PLCB1: variants seen among roughly 807,000 people sequenced by gnomAD.
PLCB1 encodes phospholipase C beta 1.
A neutral mutation model predicts 161.8 loss-of-function variants in PLCB1; 46 were observed. The observed-to-expected ratio is 0.28, with a 90% CI of 0.22 to 0.36. The LOEUF (loss-of-function observed/expected upper bound fraction) is 0.36. PLCB1 is among the 10% of genes least tolerant of loss of function. The pLI, the probability that PLCB1 is intolerant of heterozygous loss-of-function variation, is 1.00. For synonymous variants in PLCB1, 517 were observed against 503.7 expected, an observed-to-expected ratio of 1.03 and a Z score of -0.35; for missense variants, 1,016 against 1,472.5, an observed-to-expected ratio of 0.69 and a Z score of 5.07.
At chr20:8,733,177 C>A in intron 18 of PLCB1, 61 bp from the exon 19 acceptor site, 1 of 1,542,952 alleles carries the variant, frequency 6.5e-7, no homozygotes, top group Non-Finnish European at 8.9e-7. Flanking sequence ...ACTTTACAAT[C>A]TTACTTTCTT....
At chr20:8,773,696 G>T (rs999575634) in intron 26 of PLCB1, among the ~76,000 whole-genome samples, 1 of 152,092 alleles carries the variant, frequency 6.6e-6, no homozygotes, top group Non-Finnish European at 1.5e-5. Flanking sequence ...TTAAGAGGCC[G>T]GGCACGGTGG....
intron 3 of PLCB1, among the ~76,000 whole-genome samples, chr20:8,495,766 A>G (rs1427785570): frequency 6.6e-6 from 1 of 151,456 alleles, no homozygotes; most frequent in Non-Finnish European, 1.5e-5. Flanking sequence ...CGTTTTTCCT[A>G]CCTTAGGGAC....
intron 20 of PLCB1, among the ~76,000 whole-genome samples, chr20:8,738,274 A>G (rs1980686474): frequency 6.6e-6 from 1 of 152,240 alleles, no homozygotes; most frequent in South Asian, 2.1e-4. Flanking sequence ...GACTTCCACA[A>G]TGGTTGAACT....
At chr20:8,814,287 T>C (rs1316910395) in intron 31 of PLCB1, among the ~76,000 whole-genome samples, 1 of 152,214 alleles carries the variant, frequency 6.6e-6, no homozygotes, top group African/African-American at 2.4e-5. Context: ...TCTGACAGGA[T>C]TCTGGCCTTT....
At chr20:8,841,002 A>C (rs560205438) in intron 31 of PLCB1, among the ~76,000 whole-genome samples, 2 of 152,016 alleles carry the variant, frequency 1.3e-5, no homozygotes, top group Non-Finnish European at 2.9e-5. Flanking sequence ...AATACAAAAA[A>C]AATTTTTGTA....
rs1979409652 is a variant in PLCB1 at position 8,717,839 on chromosome 20, C to T, written c.1504C>T (p.Pro502Ser). 1.2e-6 allele frequency: 2 copies of T among 1,605,682 alleles called. No homozygotes were observed. The highest frequency in any genetic ancestry group is 2.2e-5 in the East Asian group (1 of 44,796). The change falls in exon 14 of 32, where the codon CCA becomes TCA. Residue 502 changes from proline to serine, a missense_variant. Physicochemically the swap from Pro to Ser is moderately conservative, Grantham distance 74. This residue lies in a region of PLCB1 where 109 missense variants were observed against 129.7 expected (regional missense o/e 0.84). Transcript: ENST00000338037. ...DSSSMFEPSS[P>S]GAGEADTESD... is the part of the protein sequence containing the mutation. The stretch of plus-strand genomic sequence containing the variant: ...CTCCAGCATGTTCGAGCCCTCATCC[C>T]CAGGAGCCGGTGAGGGGCTGGTGGG...
At chr20:8,177,731 G>A (rs1265287912) in intron 2 of PLCB1, among the ~76,000 whole-genome samples, 1 of 151,962 alleles carries the variant, frequency 6.6e-6, no homozygotes, top group Non-Finnish European at 1.5e-5. Context: ...TGTGCAAGTT[G>A]GTTCTATAGA....
chr20:8,392,727 C>A (rs1987646654), intron 3 of PLCB1, among the ~76,000 whole-genome samples: 1 of 152,090 alleles, frequency 6.6e-6, no homozygotes, highest in African/African-American at 2.4e-5. Flanking sequence ...GGAATGTATA[C>A]CAGTTTATTC....
intron 2 of PLCB1, among the ~76,000 whole-genome samples, chr20:8,151,785 G>C (rs569276761): frequency 2.0e-5 from 3 of 152,234 alleles, no homozygotes; most frequent in Non-Finnish European, 4.4e-5. Context: ...ATTTGTACGA[G>C]AGACCAAACT....
At chr20:8,437,294 C>T (rs1009827291) in intron 3 of PLCB1, among the ~76,000 whole-genome samples, 1 of 152,068 alleles carries the variant, frequency 6.6e-6, no homozygotes, top group African/African-American at 2.4e-5. Flanking sequence ...AGAGTCATCT[C>T]AAGATTAGAG....
At chr20:8,231,611 G>A (rs1980042896) in intron 2 of PLCB1, among the ~76,000 whole-genome samples, 1 of 152,136 alleles carries the variant, frequency 6.6e-6, no homozygotes, top group Non-Finnish European at 1.5e-5. Context: ...TTCTTTCCTT[G>A]CATCCTTTGT....
intron 2 of PLCB1, among the ~76,000 whole-genome samples, chr20:8,261,538 G>A (rs1461732960): frequency 6.6e-6 from 1 of 152,074 alleles, no homozygotes; most frequent in Non-Finnish European, 1.5e-5. Context: ...AAGCTTTAAC[G>A]TGAAATGAAC....
At chr20:8,243,339 A>T (rs1398029293) in intron 2 of PLCB1, among the ~76,000 whole-genome samples, 1 of 151,996 alleles carries the variant, frequency 6.6e-6, no homozygotes, top group East Asian at 1.9e-4. Flanking sequence ...TTAATTTTCT[A>T]ACACAAATCT....
At chr20:8,442,628 G>C (rs991683372) in intron 3 of PLCB1, among the ~76,000 whole-genome samples, 4 of 152,110 alleles carry the variant, frequency 2.6e-5, no homozygotes, top group Admixed American at 2.6e-4. Flanking sequence ...CTGTAACAAA[G>C]GGTTAGTGAA....
intron 3 of PLCB1, among the ~76,000 whole-genome samples, chr20:8,541,497 A>G (rs541790537): frequency 1.9e-4 from 29 of 151,834 alleles, no homozygotes; most frequent in African/African-American, 6.8e-4. Context: ...TCTCACAAAC[A>G]GTGCACTGAA....
intron 3 of PLCB1, among the ~76,000 whole-genome samples, chr20:8,558,170 T>C (rs1986023989): frequency 6.6e-6 from 1 of 152,052 alleles, no homozygotes; most frequent in African/African-American, 2.4e-5. Context: ...TAAAAGCATA[T>C]CATTGGATTG....
At chr20:8,242,974 G>C (rs1157717521) in intron 2 of PLCB1, among the ~76,000 whole-genome samples, 5 of 151,882 alleles carry the variant, frequency 3.3e-5, no homozygotes, top group Non-Finnish European at 7.4e-5. Flanking sequence ...TGAGAAGTGG[G>C]GAATTTTGGA....
rs1985910281 is a variant in PLCB1, at chr20:8,555,184, TG to T, written c.247-73106del. On this transcript the variant is annotated intron_variant, in intron 3 of 31. Transcript: ENST00000338037. ...GTGTTTTCGTGGAGAAATGGGCCCT[TG>T]GGGCTCCCTACTCTGCTGTTTTTGC... Among the ~76,000 whole-genome samples, 3 of 152,092 alleles carry T rather than the reference TG, an allele frequency of 2.0e-5. No individual in the cohort carries two copies. In the South Asian group the frequency reaches 6.2e-4, roughly 32 times the overall value.
intron 3 of PLCB1, among the ~76,000 whole-genome samples, chr20:8,404,070 T>C (rs1365943435): frequency 1.3e-5 from 2 of 152,210 alleles, no homozygotes; most frequent in Non-Finnish European, 2.9e-5. Context: ...TTTATCTATT[T>C]TTATTAAGTA....
Sources: gnomAD v4.1 joint callset for allele counts (sites outside exome capture counted in the v4.1 genomes callset) on GRCh38, gnomAD v4.1.1 for gene constraint, gnomAD v4.1.1 regional missense constraint, MANE v1.5 for transcripts, NCBI Gene and HGNC (gene_info 2026-07-23, HGNC 2026-07-21) for gene names.